RAPGEF6: variants seen among roughly 807,000 people sequenced by gnomAD.
The protein encoded by RAPGEF6 is Rap guanine nucleotide exchange factor 6.
In RAPGEF6, 56 loss-of-function variants were observed where a neutral mutation model predicts 171.4. That is an observed-to-expected ratio of 0.33 (90% CI 0.26 to 0.41). The LOEUF is 0.41. RAPGEF6 is among the 10% of genes least tolerant of loss of function. The pLI is 1.00. For synonymous variants in RAPGEF6, 692 were observed against 650.1 expected, an observed-to-expected ratio of 1.06 and a Z score of -0.98; for missense variants, 1,674 against 1,921.4, an observed-to-expected ratio of 0.87 and a Z score of 2.41.
chr5:131,524,401 G>T (rs1241335374), intron 6 of RAPGEF6, among the ~76,000 whole-genome samples: 1 of 152,254 alleles, frequency 6.6e-6, no homozygotes, highest in South Asian at 2.1e-4. Flanking sequence ...GATAGGTGAA[G>T]AATGTGTTTT....
intron 15 of RAPGEF6, among the ~76,000 whole-genome samples, chr5:131,483,264 G>A (rs1475987938): frequency 1.3e-5 from 2 of 149,310 alleles, no homozygotes; most frequent in Non-Finnish European, 3.0e-5. Flanking sequence ...CAGTAGAATC[G>A]CTTGAACCTG....
At position 131,510,271 on chromosome 5, in the gene RAPGEF6, A is replaced by T. The variant is rs775292316; in HGVS notation, c.805+43T>A. ...TTATGCAGAAATAGGTAACCATATAAATTAAGTTACAAATTCTTATTGTGA... is the reference window on the plus strand; with the variant it reads ...TTATGCAGAAATAGGTAACCATATATATTAAGTTACAAATTCTTATTGTGA... On this transcript the variant is annotated intron_variant, in intron 8 of 27. Transcript: ENST00000509018. The T allele has an allele frequency of 2.0e-6, 3 of 1,525,388 alleles. No homozygotes were observed. In the Admixed American group the frequency reaches 5.7e-5, roughly 29 times the overall value. The allele number at this position is 1,525,388 out of a possible 1,614,324, so 94.5% of individuals were successfully genotyped here. A position where few individuals can be genotyped will look rare whatever the true frequency, so the allele number is the denominator to read the frequency against.
At chr5:131,457,211 C>T (rs1005345194) in intron 19 of RAPGEF6, among the ~76,000 whole-genome samples, 1 of 152,176 alleles carries the variant, frequency 6.6e-6, no homozygotes, top group African/African-American at 2.4e-5. Flanking sequence ...ACAGGAATTA[C>T]AGGTGTGTAC....
intron 4 of RAPGEF6, among the ~76,000 whole-genome samples, chr5:131,584,995 A>T (rs1763160530): frequency 6.6e-6 from 1 of 152,244 alleles, no homozygotes; most frequent in Non-Finnish European, 1.5e-5. Flanking sequence ...AATTTAAGGG[A>T]TACTTTATTA....
intron 3 of RAPGEF6, among the ~76,000 whole-genome samples, chr5:131,594,186 C>A (rs1192771787): frequency 6.6e-6 from 1 of 152,238 alleles, no homozygotes; most frequent in Non-Finnish European, 1.5e-5. Context: ...CCAGCTCCAT[C>A]TGGGGGCAGA....
In RAPGEF6 at chr5:131,560,202, A is replaced by C. The variant is rs144126258; in HGVS notation, c.351+1776T>G. Among the ~76,000 whole-genome samples the C allele has an allele frequency of 3.8e-3, 572 of 152,286 alleles. 4 individuals are homozygous for C. The highest frequency in any genetic ancestry group is 0.013 in the African/African-American group (542 of 41,564). ...TGTTTTTCTGAAATACTGAAGAATA[A>C]ATTGGAGATATAATGCTTCTTGACC... On this transcript the variant is annotated intron_variant, in intron 5 of 27. Transcript: ENST00000509018.
chr5:131,510,586 T>C (rs1424671098), intron 7 of RAPGEF6, 95 bp from the exon 8 acceptor site: 8 of 1,206,190 alleles, frequency 6.6e-6, no homozygotes, highest in Non-Finnish European at 9.3e-6. Context: ...CTACAAAATA[T>C]AAAAGACTTG....
intron 1 of RAPGEF6, among the ~76,000 whole-genome samples, chr5:131,612,086 T>C (rs1388025468): frequency 1.3e-5 from 2 of 152,026 alleles, no homozygotes; most frequent in African/African-American, 4.8e-5. Flanking sequence ...CCAGGCTGAG[T>C]GCAGTGACGG....
rs556858844 is a variant in RAPGEF6 at position 131,425,493 on chromosome 5, G to A, written c.*1773C>T. On this transcript the variant is annotated 3_prime_UTR_variant, in exon 28 of 28. Coordinates refer to ENST00000509018, the MANE Select transcript of RAPGEF6 (RefSeq NM_016340.6). ...TTTCAAACTAGGATTTTTGGTTCAG[G>A]TTATTTCCCATTTCAAAGGACCAAG... 5.9e-5 allele frequency: 9 copies of A among 152,350 alleles called. No individual in the cohort carries two copies. The highest frequency in any genetic ancestry group is 1.9e-4 in the African/African-American group (8 of 41,544). The allele number at this position is 152,350 out of a possible 1,614,324, so 9.4% of individuals were successfully genotyped here.
intron 17 of RAPGEF6, 90 bp from the exon 18 acceptor site, chr5:131,464,371 T>G: frequency 2.2e-6 from 2 of 908,682 alleles, no homozygotes; most frequent in Non-Finnish European, 3.5e-6. Flanking sequence ...GTGATCCCTC[T>G]GAACACTGAA....
At chr5:131,570,265 C>T (rs922773866) in intron 4 of RAPGEF6, among the ~76,000 whole-genome samples, 3 of 152,112 alleles carry the variant, frequency 2.0e-5, no homozygotes, top group Admixed American at 1.3e-4. Flanking sequence ...CTCATCACTA[C>T]TGAACTACAA....
At chr5:131,517,786 C>T (rs1186990801) in intron 7 of RAPGEF6, among the ~76,000 whole-genome samples, 7 of 22,950 alleles carry the variant, frequency 3.1e-4, no homozygotes, top group Non-Finnish European at 9.2e-4. Flanking sequence ...CATGTACACA[C>T]ACACACACAC....
chr5:131,436,892 T>C (rs1752044585), intron 24 of RAPGEF6, among the ~76,000 whole-genome samples: 1 of 152,190 alleles, frequency 6.6e-6, no homozygotes, highest in South Asian at 2.1e-4. Context: ...AACACTAGGG[T>C]AGATAATGTT....
At position 131,591,860 on chromosome 5, in the gene RAPGEF6, AT is replaced by A. The variant is rs758222943; in HGVS notation, c.281+522del. Among the ~76,000 whole-genome samples, 15 of 151,722 alleles carry A rather than the reference AT, an allele frequency of 9.9e-5. No homozygotes were observed. The East Asian group carries it at 1.9e-3, about 20-fold the overall frequency. ...TCAGATCAAATCGTACATAAAACTA[AT>A]TTTTTTTTCTTTGGAGATGGAGTTT... is the stretch of plus-strand genomic sequence containing the variant. On this transcript the variant is annotated intron_variant, in intron 4 of 27. Transcript: ENST00000509018.
intron 17 of RAPGEF6, chr5:131,472,173 G>A (rs1485773360): frequency 8.0e-6 from 2 of 250,790 alleles, no homozygotes; most frequent in Non-Finnish European, 8.0e-6. Context: ...CCGGGTTCAC[G>A]CCATTCTCCT....
In RAPGEF6 at chr5:131,540,338, T is replaced by C. The variant is rs1330702826; in HGVS notation, c.495+7709A>G. 3.3e-5 allele frequency among the ~76,000 whole-genome samples: 5 copies of C among 152,116 alleles called. No individual in the cohort carries two copies. In the East Asian group the frequency reaches 7.7e-4, roughly 23 times the overall value. On this transcript the variant is annotated intron_variant, in intron 6 of 27. Coordinates refer to ENST00000509018, the MANE Select transcript of RAPGEF6 (RefSeq NM_016340.6). ...ATCCCAGTGTTTTGGGAGGCTGCAGTGATTAGACTGCGTGAGCCCAGGAGT... is the reference window on the plus strand; with the variant it reads ...ATCCCAGTGTTTTGGGAGGCTGCAGCGATTAGACTGCGTGAGCCCAGGAGT...
At position 131,433,502 on chromosome 5, in the gene RAPGEF6, G is replaced by C. The variant is rs138563469; in HGVS notation, c.3902C>G (p.Pro1301Arg). The C allele has an allele frequency of 6.2e-7, 1 of 1,614,004 alleles. No homozygotes were observed. Among genetic ancestry groups the C allele is most frequent in the African/African-American group, 1.3e-5 (1 of 75,026 alleles). ...ERCSSQALAV[P>R]ESTGALEKTE... ...CTTTTCCAATGCCCCAGTGGATTCAGGGACTGCCAGGGCCTGAGAGGAACA... is the reference window on the plus strand; with the variant it reads ...CTTTTCCAATGCCCCAGTGGATTCACGGACTGCCAGGGCCTGAGAGGAACA... Residue 1301 changes from proline (P) to arginine (R), a missense_variant, in exon 25 of 28, where the codon CCT becomes CGT. By Grantham distance (103) the Pro-to-Arg change is moderately radical. Around this residue, in one of 3 missense-constraint regions of RAPGEF6, gnomAD observed 552 missense variants for 574.2 expected, o/e 0.96. Transcript: ENST00000509018.
chr5:131,561,952 A>T, intron 5 of RAPGEF6, 26 bp downstream of exon 5: 1 of 1,535,298 alleles, frequency 6.5e-7, no homozygotes. Context: ...TATCAAAAAC[A>T]ATTCAGCATT....
chr5:131,590,142 T>C (rs1763503707), intron 4 of RAPGEF6, among the ~76,000 whole-genome samples: 1 of 152,214 alleles, frequency 6.6e-6, no homozygotes, highest in Non-Finnish European at 1.5e-5. Context: ...GGCTCATGTC[T>C]GTAATCACAG....
Sources: gnomAD v4.1 joint callset for allele counts (sites outside exome capture counted in the v4.1 genomes callset) on GRCh38, gnomAD v4.1.1 for gene constraint, gnomAD v4.1.1 regional missense constraint, MANE v1.5 for transcripts, NCBI Gene and HGNC (gene_info 2026-07-23, HGNC 2026-07-21) for gene names.